HYAL4: variants seen among roughly 807,000 people sequenced by gnomAD.
HYAL4 encodes hyaluronidase-4.
A neutral mutation model predicts 35.2 loss-of-function variants in HYAL4; 37 were observed. That is an observed-to-expected ratio of 1.05 (90% CI 0.81 to 1.38). The LOEUF (loss-of-function observed/expected upper bound fraction) is 1.38. Among genes scored for constraint, HYAL4 ranks in the 40% most tolerant of loss-of-function variants. HYAL4 has a pLI of 0.00. For missense variants in HYAL4, 572 were observed against 572.4 expected (o/e 1.00, Z 0.01); for synonymous variants, 198 against 203.2 (o/e 0.97, Z 0.22).
the HYAL4 span, among the ~76,000 whole-genome samples, chr7:123,817,927 G>A: frequency 3.9e-5 from 6 of 152,064 alleles, no homozygotes; most frequent in African/African-American, 1.4e-4. Flanking sequence ...ACCCAAGCTG[G>A]AGTTTAGTGA....
rs373226382 is a variant in HYAL4, at chr7:123,869,121, A to C, written c.848A>C (p.His283Pro). Residue 283 changes from histidine to proline, a missense_variant, in exon 3 of 5, where the codon CAT becomes CCT. Physicochemically the swap from His to Pro is moderately conservative, Grantham distance 77. Transcript: ENST00000223026. ...NILRFSKFRV[H>P]ESMRISTMTS... ...TTGCGCTTCTCCAAATTTCGGGTGCATGAATCCATGAGGATCTCCACCATG... is the reference window on the plus strand; with the variant it reads ...TTGCGCTTCTCCAAATTTCGGGTGCCTGAATCCATGAGGATCTCCACCATG... 1 of 1,614,164 alleles carries C rather than the reference A, an allele frequency of 6.2e-7. No individual in the cohort carries two copies. The highest frequency in any genetic ancestry group is 1.1e-5 in the South Asian group (1 of 91,070).
At chr7:123,874,318 T>C (rs961215366) in intron 3 of HYAL4, among the ~76,000 whole-genome samples, 4 of 152,146 alleles carry the variant, frequency 2.6e-5, no homozygotes, top group Non-Finnish European at 5.9e-5. Flanking sequence ...TCTAAGAAAA[T>C]AGAAAATAGT....
At chr7:123,788,749 A>G in the HYAL4 span, among the ~76,000 whole-genome samples, 1 of 152,262 alleles carries the variant, frequency 6.6e-6, no homozygotes, top group African/African-American at 2.4e-5. Flanking sequence ...AAATAGCAAG[A>G]ACATTTCATG....
the HYAL4 span, among the ~76,000 whole-genome samples, chr7:123,822,232 G>A: frequency 5.1e-4 from 77 of 152,086 alleles, no homozygotes; most frequent in African/African-American, 1.6e-3. Flanking sequence ...AGATCACTTT[G>A]GATAGTATGG....
chr7:123,769,836 A>AG, the HYAL4 span, among the ~76,000 whole-genome samples: 7 of 151,748 alleles, frequency 4.6e-5, no homozygotes, highest in Non-Finnish European at 1.0e-4. Context: ...AAAAAAAAAA[A>AG]CACCGTTAAA....
chr7:123,827,276 A>G (rs1459000622), upstream of HYAL4, among the ~76,000 whole-genome samples: 2 of 152,236 alleles, frequency 1.3e-5, no homozygotes, highest in East Asian at 3.9e-4. Flanking sequence ...GGGATAAAAC[A>G]GGGATGTGAT....
the HYAL4 span, among the ~76,000 whole-genome samples, chr7:123,786,381 A>G: frequency 1.3e-5 from 2 of 152,196 alleles, no homozygotes; most frequent in Admixed American, 6.5e-5. Flanking sequence ...CACACATACT[A>G]TCCTTACTCC....
intron 2 of HYAL4, among the ~76,000 whole-genome samples, chr7:123,850,618 T>G (rs1209018304): frequency 6.6e-6 from 1 of 152,198 alleles, no homozygotes; most frequent in Non-Finnish European, 1.5e-5. Flanking sequence ...CCGAAGTCTC[T>G]TTACCTAAGT....
chr7:123,809,918 A>G, the HYAL4 span, among the ~76,000 whole-genome samples: 1 of 152,208 alleles, frequency 6.6e-6, no homozygotes, highest in Non-Finnish European at 1.5e-5. Context: ...ATCAAACTGA[A>G]GAGCAGACTA....
At chr7:123,837,612 G>T (rs755150755) in intron 1 of HYAL4, among the ~76,000 whole-genome samples, 12 of 151,804 alleles carry the variant, frequency 7.9e-5, no homozygotes, top group Non-Finnish European at 1.3e-4. Flanking sequence ...CGCCATGTTG[G>T]TGTGCTGCAC....
the HYAL4 span, among the ~76,000 whole-genome samples, chr7:123,786,034 C>T: frequency 6.6e-6 from 1 of 152,206 alleles, no homozygotes; most frequent in African/African-American, 2.4e-5. Flanking sequence ...TTCTTGCACA[C>T]AAGCAGTTAC....
intron 2 of HYAL4, among the ~76,000 whole-genome samples, chr7:123,848,650 A>G (rs1171516273): frequency 6.6e-6 from 1 of 152,254 alleles, no homozygotes; most frequent in Non-Finnish European, 1.5e-5. Context: ...AGCTAACTTT[A>G]TAAACATAAA....
chr7:123,821,942 A>G, the HYAL4 span, among the ~76,000 whole-genome samples: 2 of 152,162 alleles, frequency 1.3e-5, no homozygotes, highest in South Asian at 2.1e-4. Flanking sequence ...CTTGTCAAAC[A>G]TCAGTTGATC....
At chr7:123,852,722 T>C (rs1163383738) in intron 2 of HYAL4, among the ~76,000 whole-genome samples, 1 of 152,198 alleles carries the variant, frequency 6.6e-6, no homozygotes, top group Non-Finnish European at 1.5e-5. Context: ...CTATACAGGC[T>C]CTTTTTTGGT....
upstream of HYAL4, among the ~76,000 whole-genome samples, chr7:123,826,460 T>C (rs985088602): frequency 2.0e-5 from 3 of 152,186 alleles, no homozygotes; most frequent in African/African-American, 7.2e-5. Context: ...TCTGGTTTGA[T>C]AATTGGATTG....
At chr7:123,782,495 G>C in the HYAL4 span, among the ~76,000 whole-genome samples, 1 of 151,638 alleles carries the variant, frequency 6.6e-6, no homozygotes, top group Non-Finnish European at 1.5e-5. Context: ...TGGCCATATT[G>C]ATTTAGTTTT....
the HYAL4 span, among the ~76,000 whole-genome samples, chr7:123,764,894 T>G: frequency 6.6e-6 from 1 of 152,142 alleles, no homozygotes; most frequent in African/African-American, 2.4e-5. Flanking sequence ...CATAACAATC[T>G]GATAAGAAAA....
chr7:123,869,168 C>G lies in HYAL4; in HGVS notation c.895C>G (p.Pro299Ala). The G allele has an allele frequency of 6.2e-7, 1 of 1,613,974 alleles. No individual in the cohort carries two copies. The highest frequency in any genetic ancestry group is 8.5e-7 in the Non-Finnish European group (1 of 1,180,000). Residue 299 changes from proline (P) to alanine (A), a missense_variant, in exon 3 of 5, where the codon CCT (proline) becomes GCT (alanine). Pro to Ala is a conservative substitution (Grantham distance 27). Coordinates refer to ENST00000223026, the MANE Select transcript of HYAL4 (RefSeq NM_012269.3). ...CATGACATCTCATGATTATGCTCTG[C>G]CTGTATTTGTCTACACAAGGCTAGG... Reference protein sequence around the residue: ...STMTSHDYALPVFVYTRLGYR... With the variant: ...STMTSHDYALAVFVYTRLGYR...
the HYAL4 span, among the ~76,000 whole-genome samples, chr7:123,806,937 A>G: frequency 6.6e-6 from 1 of 152,148 alleles, no homozygotes; most frequent in African/African-American, 2.4e-5. Context: ...AAGGGACAGG[A>G]TTGGCCTAGT....
Sources: allele counts gnomAD v4.1 joint callset (sites outside exome capture counted in the v4.1 genomes callset), GRCh38; gene constraint gnomAD v4.1.1; transcripts MANE v1.5; gene names NCBI Gene and HGNC (gene_info 2026-07-23, HGNC 2026-07-21).